The following TNFRSF19 variants were observed in gnomAD, a reference collection of about 807,000 sequenced individuals.
TNFRSF19 encodes TNF receptor superfamily member 19.
TNFRSF19 carries 27 observed loss-of-function variants against 46.4 expected under a neutral mutation model. That is an observed-to-expected ratio of 0.58 (90% CI 0.43 to 0.80). The LOEUF (loss-of-function observed/expected upper bound fraction) is 0.80, where lower values mean the gene tolerates loss of function less well. Among genes scored for constraint, TNFRSF19 ranks in the 30% least tolerant of loss-of-function variants. TNFRSF19 has a pLI of 0.00. For missense variants in TNFRSF19, 511 were observed against 530.8 expected (o/e 0.96, Z 0.37); for synonymous variants, 204 against 205.0 (o/e 1.00, Z 0.04).
intron 4 of TNFRSF19, among the ~76,000 whole-genome samples, chr13:23,620,137 G>A (rs1593261928): frequency 1.3e-5 from 2 of 152,084 alleles, no homozygotes; most frequent in African/African-American, 4.8e-5. Flanking sequence ...CTTTTACCCA[G>A]GTCTTTTCAA....
At chr13:23,644,780 T>C (rs997868232) in intron 5 of TNFRSF19, among the ~76,000 whole-genome samples, 3 of 152,210 alleles carry the variant, frequency 2.0e-5, no homozygotes, top group Non-Finnish European at 4.4e-5. Flanking sequence ...GGCTGGCCTG[T>C]ATGTCTGCCA....
At chr13:23,582,000 T>C (rs952820149) in intron 1 of TNFRSF19, among the ~76,000 whole-genome samples, 1 of 152,158 alleles carries the variant, frequency 6.6e-6, no homozygotes, top group East Asian at 1.9e-4. Context: ...TCCCAATAAA[T>C]ACATTGATAG....
At chr13:23,638,498 T>G (rs1016640825) in intron 5 of TNFRSF19, among the ~76,000 whole-genome samples, 1 of 152,182 alleles carries the variant, frequency 6.6e-6, no homozygotes, top group African/African-American at 2.4e-5. Context: ...TTTTCGGTCT[T>G]CTTTTCTTTT....
At chr13:23,575,987 C>G (rs897269505) in intron 1 of TNFRSF19, among the ~76,000 whole-genome samples, 4 of 152,102 alleles carry the variant, frequency 2.6e-5, no homozygotes, top group Non-Finnish European at 5.9e-5. Flanking sequence ...AAACAAACAC[C>G]TCTATCAAGA....
intron 3 of TNFRSF19, among the ~76,000 whole-genome samples, chr13:23,598,124 C>A (rs942806713): frequency 1.3e-5 from 2 of 151,960 alleles, no homozygotes; most frequent in African/African-American, 4.8e-5. Flanking sequence ...TATGACAAAC[C>A]CACAGCTAAT....
chr13:23,652,327 G>T (rs1883702442), intron 5 of TNFRSF19, among the ~76,000 whole-genome samples: 1 of 152,102 alleles, frequency 6.6e-6, no homozygotes, highest in South Asian at 2.1e-4. Flanking sequence ...TCCTGAAATT[G>T]GTACCAAAGC....
intron 1 of TNFRSF19, among the ~76,000 whole-genome samples, chr13:23,579,170 G>C (rs1219976121): frequency 6.6e-6 from 1 of 152,214 alleles, no homozygotes; most frequent in South Asian, 2.1e-4. Flanking sequence ...ACACTCATCC[G>C]CTTCAGTAGC....
At chr13:23,594,374 C>T (rs1391284758) in intron 3 of TNFRSF19, 2 of 422,136 alleles carry the variant, frequency 4.7e-6, no homozygotes, top group South Asian at 3.4e-5. Context: ...TCACTGCCAG[C>T]ACAGCAGTGT....
At chr13:23,587,159 A>G (rs188835357) in intron 1 of TNFRSF19, among the ~76,000 whole-genome samples, 138 of 152,294 alleles carry the variant, frequency 9.1e-4, no homozygotes, top group African/African-American at 3.2e-3. Flanking sequence ...TCTTTGGGCC[A>G]GACCTTGAAT....
chr13:23,619,389 G>A (rs949183539), intron 4 of TNFRSF19, among the ~76,000 whole-genome samples: 5 of 152,142 alleles, frequency 3.3e-5, no homozygotes, highest in Non-Finnish European at 7.3e-5. Context: ...AGTTGGGAAT[G>A]GGAGGTGACT....
chr13:23,663,756 A>T, intron 7 of TNFRSF19, among the ~76,000 whole-genome samples: 1 of 152,004 alleles, frequency 6.6e-6, no homozygotes, highest in African/African-American at 2.4e-5. Flanking sequence ...ATGTGTCCAG[A>T]AATTTATCTG....
At chr13:23,643,139 C>T (rs1042006121) in intron 5 of TNFRSF19, among the ~76,000 whole-genome samples, 8 of 152,232 alleles carry the variant, frequency 5.3e-5, no homozygotes, top group Non-Finnish European at 1.5e-5. Context: ...ATTTCTCTCT[C>T]TGAGAGGAGA....
chr13:23,661,363 G>T (rs1361974498), intron 7 of TNFRSF19, among the ~76,000 whole-genome samples: 1 of 152,226 alleles, frequency 6.6e-6, no homozygotes, highest in Admixed American at 6.5e-5. Context: ...TCCCACAAAA[G>T]ACACGATCTC....
At chr13:23,658,424 T>C (rs1386826226) in intron 5 of TNFRSF19, among the ~76,000 whole-genome samples, 1 of 152,180 alleles carries the variant, frequency 6.6e-6, no homozygotes, top group Non-Finnish European at 1.5e-5. Flanking sequence ...ATAAGATCTA[T>C]TTCTTGACTT....
intron 1 of TNFRSF19, among the ~76,000 whole-genome samples, chr13:23,582,224 CAAAAAAAAAAAAAAA>C (rs746493689): frequency 4.1e-5 from 4 of 98,056 alleles, no homozygotes; most frequent in Non-Finnish European, 4.2e-5. Context: ...ACTACAAATA[CAAAAAAAAAAAAAAA>C]AAAAAAAAAA....
chr13:23,649,512 G>GT (rs1227574424), intron 5 of TNFRSF19, among the ~76,000 whole-genome samples: 56 of 149,478 alleles, frequency 3.7e-4, no homozygotes, highest in Non-Finnish European at 6.4e-4. Context: ...GTCAACTTTT[G>GT]TTTTTTTCTT....
At chr13:23,625,019 T>C (rs1475860238) in intron 4 of TNFRSF19, among the ~76,000 whole-genome samples, 1 of 152,186 alleles carries the variant, frequency 6.6e-6, no homozygotes, top group Non-Finnish European at 1.5e-5. Flanking sequence ...CCCAAAGTGC[T>C]GGGATTACAG....
intron 7 of TNFRSF19, among the ~76,000 whole-genome samples, chr13:23,663,998 AT>A (rs1951575538): frequency 6.6e-6 from 1 of 151,842 alleles, no homozygotes; most frequent in African/African-American, 2.4e-5. Context: ...CAATTCCTTC[AT>A]TTCAGCTCTG....
intron 1 of TNFRSF19, among the ~76,000 whole-genome samples, chr13:23,571,160 C>G (rs1450188437): frequency 2.6e-5 from 4 of 152,202 alleles, no homozygotes; most frequent in Non-Finnish European, 5.9e-5. Flanking sequence ...ACTTCAACCC[C>G]TGAGATCTGT....
Sources: allele counts gnomAD v4.1 joint callset (sites outside exome capture counted in the v4.1 genomes callset), GRCh38; gene constraint gnomAD v4.1.1; transcripts MANE v1.5; gene names NCBI Gene and HGNC (gene_info 2026-07-23, HGNC 2026-07-21).